Variants in GSDMC observed in about 807,000 individuals in gnomAD.
GSDMC encodes the protein gasdermin-C.
Under a neutral mutation model 58.0 loss-of-function variants are expected in GSDMC, and 59 were observed. The ratio of observed to expected loss-of-function variants is 1.02; its 90% CI spans 0.82 to 1.26. The LOEUF is 1.26. Among genes scored for constraint, GSDMC ranks in the 50% most tolerant of loss-of-function variants. GSDMC has a pLI of 0.00. For synonymous variants in GSDMC, 241 were observed against 220.2 expected, an observed-to-expected ratio of 1.09 and a Z score of -0.83; for missense variants, 659 against 598.5, an observed-to-expected ratio of 1.10 and a Z score of -1.06.
At chr8:129,720,479 C>A in the GSDMC span, among the ~76,000 whole-genome samples, 14 of 152,156 alleles carry the variant, frequency 9.2e-5, no homozygotes, top group African/African-American at 3.4e-4. Flanking sequence ...ACGTTCACAT[C>A]CACATAAATA....
rs764439780 is a variant in GSDMC at position 129,752,832 on chromosome 8, G to C, written c.722-12C>G. 1.2e-6 allele frequency: 2 copies of C among 1,614,062 alleles called. No individual in the cohort carries two copies. The highest frequency in any genetic ancestry group is 1.7e-6 in the Non-Finnish European group (2 of 1,179,954). ...GGAAATTTCGTACTCTTGGGAGAGA[G>C]GGAGAGCAGAATGACTGGGTAACTT... On this transcript the variant is annotated splice_polypyrimidine_tract_variant and intron_variant, in intron 6 of 13. Transcript: ENST00000276708.
chr8:129,707,829 A>G, the GSDMC span, among the ~76,000 whole-genome samples: 1 of 152,248 alleles, frequency 6.6e-6, no homozygotes, highest in Non-Finnish European at 1.5e-5. Context: ...ATACAAGGAA[A>G]TAGCACAAAT....
At chr8:129,708,735 T>C in the GSDMC span, among the ~76,000 whole-genome samples, 2 of 152,206 alleles carry the variant, frequency 1.3e-5, no homozygotes, top group African/African-American at 4.8e-5. Context: ...CAGATAGAAA[T>C]TGGGAATGCC....
chr8:129,759,796 A>T (rs1362469848), intron 6 of GSDMC, among the ~76,000 whole-genome samples: 1 of 152,208 alleles, frequency 6.6e-6, no homozygotes, highest in Non-Finnish European at 1.5e-5. Flanking sequence ...TCTGGAGAAC[A>T]GTTTGGACCT....
chr8:129,778,954 A>T (rs1448149908), intron 1 of GSDMC, among the ~76,000 whole-genome samples: 3 of 152,176 alleles, frequency 2.0e-5, no homozygotes, highest in African/African-American at 7.2e-5. Flanking sequence ...AAAAGTCAAA[A>T]AATAACAGAT....
At chr8:129,726,287 T>A in the GSDMC span, among the ~76,000 whole-genome samples, 1 of 152,176 alleles carries the variant, frequency 6.6e-6, no homozygotes, top group African/African-American at 2.4e-5. Flanking sequence ...GATATTAATA[T>A]AAAAGGAGAC....
At chr8:129,753,277 G>A (rs369886559) in intron 6 of GSDMC, among the ~76,000 whole-genome samples, 10 of 152,182 alleles carry the variant, frequency 6.6e-5, no homozygotes, top group African/African-American at 2.4e-4. Context: ...AGAGTACAGA[G>A]GATTCTGTCC....
chr8:129,781,256 C>T (rs540788294), intron 1 of GSDMC, among the ~76,000 whole-genome samples: 10 of 151,994 alleles, frequency 6.6e-5, no homozygotes, highest in African/African-American at 2.4e-4. Flanking sequence ...ATTAAAAAAA[C>T]AAGACCCAAT....
chr8:129,747,082 T>A (rs542989618), downstream of GSDMC, among the ~76,000 whole-genome samples: 2 of 149,614 alleles, frequency 1.3e-5, no homozygotes, highest in East Asian at 3.9e-4. Flanking sequence ...AAACCCTGTC[T>A]GTACAAAAAA....
chr8:129,751,649 C>G (rs1454918997), intron 9 of GSDMC, 81 bp from the exon 10 acceptor site: 23 of 1,291,934 alleles, frequency 1.8e-5, no homozygotes, highest in Non-Finnish European at 2.5e-5. Context: ...GTTCTGCTCT[C>G]CTACCACCTC....
At chr8:129,724,870 G>A in the GSDMC span, among the ~76,000 whole-genome samples, 3 of 152,052 alleles carry the variant, frequency 2.0e-5, no homozygotes, top group Non-Finnish European at 4.4e-5. Flanking sequence ...TTAACAAAGG[G>A]CATAGTTTGA....
At chr8:129,749,104 T>C (rs2033065424) in intron 13 of GSDMC, among the ~76,000 whole-genome samples, 1 of 151,978 alleles carries the variant, frequency 6.6e-6, no homozygotes, top group African/African-American at 2.4e-5. Flanking sequence ...ATCATAACAG[T>C]GTAACTAGAG....
intron 5 of GSDMC, among the ~76,000 whole-genome samples, 154 bp downstream of exon 5, chr8:129,762,472 T>G (rs906482621): frequency 6.6e-6 from 1 of 152,166 alleles, no homozygotes; most frequent in Non-Finnish European, 1.5e-5. Context: ...GAGATGGGTG[T>G]GTGCCCTGGA....
At chr8:129,764,847 C>A (rs919868494) in intron 4 of GSDMC, among the ~76,000 whole-genome samples, 1 of 152,150 alleles carries the variant, frequency 6.6e-6, no homozygotes, top group East Asian at 1.9e-4. Context: ...ATTCCTGAAC[C>A]TTTTGGGGGT....
rs1366482660 is a variant in GSDMC at position 129,750,423 on chromosome 8, C to A, written c.1083+8G>T. The A allele has an allele frequency of 2.5e-6, 4 of 1,611,756 alleles. No individual in the cohort carries two copies. On this transcript the variant is annotated splice_region_variant and intron_variant, in intron 11 of 13. Coordinates refer to ENST00000276708, the MANE Select transcript of GSDMC (RefSeq NM_031415.3). ...TTACCAGACCTATGCAACTGTGGAG[C>A]CCCTCACCATGTTCATCAGGTCCTG... is the stretch of plus-strand genomic sequence containing the variant.
At chr8:129,737,106 G>T in the GSDMC span, among the ~76,000 whole-genome samples, 1 of 152,104 alleles carries the variant, frequency 6.6e-6, no homozygotes, top group African/African-American at 2.4e-5. Context: ...CCTCTTCAAG[G>T]AGAACTACAA....
At chr8:129,714,284 C>A in the GSDMC span, among the ~76,000 whole-genome samples, 2 of 152,164 alleles carry the variant, frequency 1.3e-5, no homozygotes, top group South Asian at 2.1e-4. Flanking sequence ...TGATTATTGC[C>A]GCTCCAGAGA....
downstream of GSDMC, among the ~76,000 whole-genome samples, chr8:129,746,377 G>A (rs1361065963): frequency 6.6e-6 from 1 of 152,162 alleles, no homozygotes; most frequent in Non-Finnish European, 1.5e-5. Flanking sequence ...TATAGACATA[G>A]AGGAAAGAGC....
chr8:129,711,562 G>T, the GSDMC span, among the ~76,000 whole-genome samples: 1 of 152,194 alleles, frequency 6.6e-6, no homozygotes, highest in African/African-American at 2.4e-5. Flanking sequence ...AAGCAAGGCT[G>T]ACCGTTGCAA....
Sources: allele counts gnomAD v4.1 joint callset (sites outside exome capture counted in the v4.1 genomes callset), GRCh38; gene constraint gnomAD v4.1.1; transcripts MANE v1.5; gene names NCBI Gene and HGNC (gene_info 2026-07-23, HGNC 2026-07-21).